The following WDR70 variants were observed in gnomAD, a reference collection of about 807,000 sequenced individuals.
WDR70 encodes the protein WD repeat-containing protein 70.
In WDR70, 53 loss-of-function variants were observed where a neutral mutation model predicts 88.6. That is an observed-to-expected ratio of 0.60 (90% CI 0.48 to 0.75). The LOEUF (loss-of-function observed/expected upper bound fraction) is 0.75. Ranked by LOEUF, WDR70 falls within the 30% of genes least tolerant of loss-of-function variation. The pLI is 0.00. For synonymous variants in WDR70, 280 were observed against 270.0 expected, an observed-to-expected ratio of 1.04 and a Z score of -0.36; for missense variants, 610 against 823.2, an observed-to-expected ratio of 0.74 and a Z score of 3.17.
intron 5 of WDR70, among the ~76,000 whole-genome samples, chr5:37,402,644 A>G (rs1420102652): frequency 6.6e-6 from 1 of 152,118 alleles, no homozygotes; most frequent in Non-Finnish European, 1.5e-5. Flanking sequence ...TCCTTATGCT[A>G]GGAACATTCA....
intron 15 of WDR70, chr5:37,724,570 A>G (rs1283395040): frequency 5.4e-6 from 1 of 186,516 alleles, no homozygotes; most frequent in African/African-American, 2.4e-5. Context: ...AGCTGTTGGC[A>G]TTATTCACAT....
In WDR70 at chr5:37,566,292, T is replaced by C. The variant is rs1742738764; in HGVS notation, c.918-38772T>C. ...TAGTAGTATGTTACTAAAGTTTTAT[T>C]TTCCTCCTGTGATAATAGCTTATCA... On this transcript the variant is annotated intron_variant, in intron 9 of 17. Transcript: ENST00000265107. Among the ~76,000 whole-genome samples, 3 of 102,946 alleles carry C rather than the reference T, an allele frequency of 2.9e-5. No homozygotes were observed. In the Admixed American group the frequency reaches 3.4e-4, roughly 12 times the overall value. The allele number at this position is 102,946 out of a possible 152,430, so 67.5% of individuals were successfully genotyped here.
At chr5:37,751,693 G>A (rs1278990588) in intron 17 of WDR70, among the ~76,000 whole-genome samples, 10 of 152,176 alleles carry the variant, frequency 6.6e-5, no homozygotes, top group African/African-American at 1.9e-4. Flanking sequence ...TTCATAATGC[G>A]ATAGAGCTGT....
chr5:37,635,930 C>T (rs769857852), intron 10 of WDR70, among the ~76,000 whole-genome samples: 2 of 152,132 alleles, frequency 1.3e-5, no homozygotes, highest in Non-Finnish European at 1.5e-5. Context: ...GGCTTTCCCC[C>T]CTCTTCACAC....
intron 3 of WDR70, among the ~76,000 whole-genome samples, chr5:37,390,909 T>G (rs1257862832): frequency 3.3e-5 from 5 of 151,726 alleles, no homozygotes; most frequent in Non-Finnish European, 7.4e-5. Flanking sequence ...AGGGATGAGG[T>G]TTCTCCATGT....
chr5:37,547,391 C>T (rs976381457), intron 9 of WDR70, among the ~76,000 whole-genome samples: 2 of 152,142 alleles, frequency 1.3e-5, no homozygotes, highest in Non-Finnish European at 2.9e-5. Flanking sequence ...CTTTTTAAAA[C>T]TGTCCTTTAA....
chr5:37,522,980 G>A lies in WDR70; in HGVS notation c.917+6390G>A, dbSNP rs546808175. ...GCTTGAGTAGGTAAACAAAGCAGCCGAGAAGCTTAAACTGGGTGGAGCCCA... is the reference window on the plus strand; with the variant it reads ...GCTTGAGTAGGTAAACAAAGCAGCCAAGAAGCTTAAACTGGGTGGAGCCCA... On this transcript the variant is annotated intron_variant, in intron 9 of 17. Coordinates refer to ENST00000265107, the MANE Select transcript of WDR70 (RefSeq NM_018034.4). Among the ~76,000 whole-genome samples, 8 of 152,332 alleles carry A rather than the reference G, an allele frequency of 5.3e-5. No individual in the cohort carries two copies. The South Asian group carries it at 6.2e-4, about 12-fold the overall frequency.
intron 3 of WDR70, among the ~76,000 whole-genome samples, chr5:37,388,425 A>C (rs1748696988): frequency 6.9e-5 from 1 of 14,474 alleles, no homozygotes. Context: ...TGAAATACAG[A>C]CTTTTTTTTT....
intron 9 of WDR70, among the ~76,000 whole-genome samples, chr5:37,586,781 A>C (rs1561912444): frequency 6.6e-6 from 1 of 152,028 alleles, no homozygotes; most frequent in Non-Finnish European, 1.5e-5. Flanking sequence ...TGTTTGTTCC[A>C]TGAGGGTCTG....
intron 10 of WDR70, among the ~76,000 whole-genome samples, chr5:37,609,778 G>GC (rs1188449855): frequency 1.3e-5 from 2 of 152,134 alleles, no homozygotes; most frequent in Non-Finnish European, 2.9e-5. Context: ...GCTGTTCAGT[G>GC]CCCCCATTTT....
At chr5:37,611,899 T>G (rs1744202823) in intron 10 of WDR70, among the ~76,000 whole-genome samples, 1 of 152,104 alleles carries the variant, frequency 6.6e-6, no homozygotes, top group Admixed American at 6.6e-5. Context: ...TCCTTTATTT[T>G]CCTGATAGTG....
In WDR70 at chr5:37,712,669, A is replaced by C. The variant is rs150016485; in HGVS notation, c.1417-8446A>C. Reference sequence around the variant, plus strand: ...TAGTACTTATCACTTTGTTTTTCTCATCTTTATTATCTCTTTAAAAAAAAA... The same window carrying C: ...TAGTACTTATCACTTTGTTTTTCTCCTCTTTATTATCTCTTTAAAAAAAAA... On this transcript the variant is annotated intron_variant, in intron 13 of 17. Coordinates refer to ENST00000265107, the MANE Select transcript of WDR70 (RefSeq NM_018034.4). 1.4e-4 allele frequency among the ~76,000 whole-genome samples: 22 copies of C among 152,140 alleles called. No homozygotes were observed. The East Asian group carries it at 2.1e-3, about 15-fold the overall frequency.
At chr5:37,443,435 G>A (rs1738344007) in intron 7 of WDR70, 63 bp downstream of exon 7, 1 of 1,567,664 alleles carries the variant, frequency 6.4e-7, no homozygotes, top group African/African-American at 1.4e-5. Flanking sequence ...GGAAGACAGT[G>A]CTGTTGGCTT....
chr5:37,502,197 G>A (rs1306483583), intron 8 of WDR70, among the ~76,000 whole-genome samples: 1 of 151,414 alleles, frequency 6.6e-6, no homozygotes, highest in African/African-American at 2.4e-5. Context: ...TATTTTTTGC[G>A]GCTATTGTAA....
intron 9 of WDR70, among the ~76,000 whole-genome samples, chr5:37,557,759 T>A (rs1742334397): frequency 6.6e-6 from 1 of 151,886 alleles, no homozygotes; most frequent in Non-Finnish European, 1.5e-5. Context: ...TAATTCTAAA[T>A]ATCTTATTAA....
chr5:37,569,721 T>C lies in WDR70; in HGVS notation c.918-35343T>C, dbSNP rs1186103704. Among the ~76,000 whole-genome samples, 3 of 152,332 alleles carry C rather than the reference T, an allele frequency of 2.0e-5. No homozygotes were observed. The Middle Eastern group carries it at 0.01, about 518-fold the overall frequency. ...GTGAGCTTACAGTCTAGGAAGATAC[T>C]GGCTACTAAACAGCAAGGTAAAATA... On this transcript the variant is annotated intron_variant, in intron 9 of 17. Transcript: ENST00000265107.
chr5:37,509,201 T>C (rs1371956948), intron 8 of WDR70, among the ~76,000 whole-genome samples: 1 of 152,100 alleles, frequency 6.6e-6, no homozygotes, highest in African/African-American at 2.4e-5. Context: ...TATTTTAAGA[T>C]GGATGCTTTA....
At chr5:37,588,407 T>G (rs1743425538) in intron 9 of WDR70, among the ~76,000 whole-genome samples, 1 of 152,076 alleles carries the variant, frequency 6.6e-6, no homozygotes, top group East Asian at 1.9e-4. Context: ...AACTTCATGA[T>G]AGGCTAAATT....
intron 5 of WDR70, among the ~76,000 whole-genome samples, chr5:37,424,073 C>T (rs565716957): frequency 9.8e-5 from 13 of 133,048 alleles, no homozygotes; most frequent in African/African-American, 1.7e-4. Context: ...CGCTTGAACA[C>T]GAGAAGTGGA....
Sources: gnomAD v4.1 joint callset for allele counts (sites outside exome capture counted in the v4.1 genomes callset) on GRCh38, gnomAD v4.1.1 for gene constraint, MANE v1.5 for transcripts, NCBI Gene and HGNC (gene_info 2026-07-23, HGNC 2026-07-21) for gene names.